Variants in LRRCC1 observed in about 807,000 individuals in gnomAD.
LRRCC1 encodes leucine rich repeat and coiled-coil centrosomal protein 1.
A neutral mutation model predicts 126.0 loss-of-function variants in LRRCC1; 115 were observed. The ratio of observed to expected loss-of-function variants is 0.91; its 90% CI spans 0.78 to 1.07. The LOEUF is 1.07. LRRCC1 is among the 50% of genes least tolerant of loss of function. The pLI is 0.00. For synonymous variants in LRRCC1, 400 were observed against 393.4 expected, an observed-to-expected ratio of 1.02 and a Z score of -0.20; for missense variants, 1,172 against 1,175.7, an observed-to-expected ratio of 1.00 and a Z score of 0.05.
At chr8:85,118,545 T>A (rs1180458109) in intron 6 of LRRCC1, among the ~76,000 whole-genome samples, 1 of 152,120 alleles carries the variant, frequency 6.6e-6, no homozygotes, top group Non-Finnish European at 1.5e-5. Context: ...TTGGTGAGGT[T>A]AGCATTGCTT....
chr8:85,108,720 CAG>C (rs1393986371), intron 1 of LRRCC1: 11 of 150,498 alleles, frequency 7.3e-5, no homozygotes, highest in African/African-American at 1.9e-4. Context: ...TCCCTGCTGT[CAG>C]AGTTAGGTTT....
Position 85,145,616 on chromosome 8 carries a change from T to C in LRRCC1, c.*105T>C, listed in dbSNP as rs555611856. 90 of 859,124 alleles carry C rather than the reference T, an allele frequency of 1.0e-4. No homozygotes were observed. The African/African-American group carries it at 1.4e-3, about 13-fold the overall frequency. 53.2% of individuals were successfully genotyped at this position (859,124 alleles called of 1,614,324 possible). A position where few individuals can be genotyped will look rare whatever the true frequency, so the allele number is the denominator to read the frequency against. On this transcript the variant is annotated 3_prime_UTR_variant, in exon 19 of 19. Coordinates refer to ENST00000360375, the MANE Select transcript of LRRCC1 (RefSeq NM_033402.5). ...GCTATGACTTTGAAATGTCTCTTTC[T>C]ATACATTTCATTATGAATATATTTT...
intron 7 of LRRCC1, among the ~76,000 whole-genome samples, chr8:85,124,182 A>G (rs1809783482): frequency 6.6e-6 from 1 of 152,196 alleles, no homozygotes; most frequent in South Asian, 2.1e-4. Flanking sequence ...AGTGGTTCAG[A>G]AATGACTACT....
intron 4 of LRRCC1, among the ~76,000 whole-genome samples, chr8:85,113,721 A>G (rs1297197184): frequency 6.6e-6 from 1 of 152,134 alleles, no homozygotes; most frequent in Non-Finnish European, 1.5e-5. Context: ...ATTTCATATT[A>G]TGTGAATTTA....
chr8:85,109,949 AT>A, intron 2 of LRRCC1, 149 bp downstream of exon 2: 1 of 629,436 alleles, frequency 1.6e-6, no homozygotes. Flanking sequence ...AAAAGTGTCA[AT>A]TTTTTAAAAA....
chr8:85,135,114 C>A, intron 13 of LRRCC1, 82 bp downstream of exon 13: 2 of 995,184 alleles, frequency 2.0e-6, no homozygotes, highest in Non-Finnish European at 2.8e-6. Context: ...AGGAAGTACA[C>A]GAAAGGAACT....
intron 8 of LRRCC1, 122 bp downstream of exon 8, chr8:85,125,061 G>T: frequency 1.6e-6 from 1 of 610,624 alleles, no homozygotes; most frequent in Non-Finnish European, 2.7e-6. Flanking sequence ...ATGAAAATGG[G>T]TTATTTTTTC....
At chr8:85,139,519 G>C (rs1162441764) in intron 17 of LRRCC1, among the ~76,000 whole-genome samples, 2 of 152,134 alleles carry the variant, frequency 1.3e-5, no homozygotes, top group African/African-American at 4.8e-5. Flanking sequence ...ACCCGCCTCG[G>C]CCTGCCAAAG....
intron 12 of LRRCC1, among the ~76,000 whole-genome samples, chr8:85,132,364 T>C (rs1810533768): frequency 6.7e-6 from 1 of 149,572 alleles, no homozygotes; most frequent in South Asian, 2.1e-4. Context: ...AAAAGCACAG[T>C]TGAGTACTTT....
In LRRCC1 at chr8:85,135,839, T is replaced by C; in HGVS notation, c.2205T>C (p.Ser735=). The C allele has an allele frequency of 1.3e-6, 2 of 1,597,126 alleles. No homozygotes were observed. Among genetic ancestry groups the C allele is most frequent in the Non-Finnish European group, 1.7e-6 (2 of 1,171,382 alleles). The part of the protein sequence containing the change: ...EILIEDDKQK[S]IQIELLKHEK... ...TAATTGAAGATGACAAGCAGAAGAG[T>C]ATTCAAATAGAACTTCTCAAGCACG... The change falls in exon 14 of 19, where the codon AGT becomes AGC. Residue 735 remains serine, a synonymous_variant. Transcript: ENST00000360375.
intron 18 of LRRCC1, among the ~76,000 whole-genome samples, chr8:85,144,924 A>T (rs985363201): frequency 6.7e-6 from 1 of 148,968 alleles, no homozygotes; most frequent in African/African-American, 2.5e-5. Context: ...AAAAAAAAAT[A>T]AAAAAGTTAG....
intron 4 of LRRCC1, 47 bp downstream of exon 4, chr8:85,113,146 G>T: frequency 6.9e-7 from 1 of 1,447,318 alleles, no homozygotes; most frequent in South Asian, 1.3e-5. Context: ...AATATTGAGA[G>T]CTTCTTTATT....
chr8:85,116,859 T>TGA, intron 6 of LRRCC1, among the ~76,000 whole-genome samples: 1 of 152,196 alleles, frequency 6.6e-6, no homozygotes, highest in South Asian at 2.1e-4. Flanking sequence ...TCAATAAGGC[T>TGA]GTGAGGATTC....
At position 85,135,039 on chromosome 8, in the gene LRRCC1, CTT is replaced by C. The variant is rs1306348795; in HGVS notation, c.2154+9_2154+10del. The C allele has an allele frequency of 3.3e-6, 5 of 1,499,360 alleles. No homozygotes were observed. In the African/African-American group the frequency reaches 5.8e-5, roughly 17 times the overall value. The allele number at this position is 1,499,360 out of a possible 1,614,324, so 92.9% of individuals were successfully genotyped here. ...AACAGCAGCAAATTTACAGGTAAGA[CTT>C]TGCAACATTATATGTTTTAAAATTT... is the stretch of plus-strand genomic sequence containing the variant. On this transcript the variant is annotated splice_region_variant and intron_variant, in intron 13 of 18. Coordinates refer to ENST00000360375, the MANE Select transcript of LRRCC1 (RefSeq NM_033402.5).
intron 8 of LRRCC1, among the ~76,000 whole-genome samples, chr8:85,125,143 T>A (rs899572094): frequency 3.3e-5 from 5 of 152,180 alleles, no homozygotes; most frequent in Non-Finnish European, 7.3e-5. Flanking sequence ...ATGATCAGAT[T>A]TAAGTGAAAT....
intron 11 of LRRCC1, 78 bp downstream of exon 11, chr8:85,130,136 T>G (rs960281854): frequency 1.6e-4 from 8 of 51,204 alleles, no homozygotes; most frequent in Admixed American, 8.6e-4. Flanking sequence ...ACTACCAGTA[T>G]TTTTTTTTTT....
intron 12 of LRRCC1, among the ~76,000 whole-genome samples, chr8:85,133,050 T>A (rs982980627): frequency 1.3e-5 from 2 of 152,212 alleles, no homozygotes; most frequent in African/African-American, 4.8e-5. Context: ...ACAGAACATA[T>A]CAAAATTGTG....
At chr8:85,130,434 G>A (rs909736462) in intron 11 of LRRCC1, among the ~76,000 whole-genome samples, 5 of 151,648 alleles carry the variant, frequency 3.3e-5, no homozygotes, top group African/African-American at 4.8e-5. Context: ...GAGCCACCGC[G>A]CCTGGCCCCC....
intron 18 of LRRCC1, among the ~76,000 whole-genome samples, chr8:85,143,204 C>A (rs1465351585): frequency 6.6e-6 from 1 of 152,024 alleles, no homozygotes; most frequent in Non-Finnish European, 1.5e-5. Context: ...TGCCTGTAAT[C>A]CAGCTACTTG....
Sources: gnomAD v4.1 joint callset for allele counts (sites outside exome capture counted in the v4.1 genomes callset) on GRCh38, gnomAD v4.1.1 for gene constraint, MANE v1.5 for transcripts, NCBI Gene and HGNC (gene_info 2026-07-23, HGNC 2026-07-21) for gene names.